Variants in MACROD2 observed in about 807,000 individuals in gnomAD.
The protein encoded by MACROD2 is ADP-ribose glycohydrolase MACROD2.
MACROD2 carries 36 observed loss-of-function variants against 70.4 expected under a neutral mutation model. The ratio of observed to expected loss-of-function variants is 0.51; its 90% CI spans 0.39 to 0.68. The LOEUF is 0.68. Among genes scored for constraint, MACROD2 ranks in the 30% least tolerant of loss-of-function variants. The pLI is 0.00. For missense variants in MACROD2, 496 were observed against 538.4 expected, an observed-to-expected ratio of 0.92 and a Z score of 0.78; for synonymous variants, 172 against 178.8, an observed-to-expected ratio of 0.96 and a Z score of 0.30.
chr20:14,359,178 ACT>A (rs1261769858), intron 3 of MACROD2, among the ~76,000 whole-genome samples: 2 of 151,682 alleles, frequency 1.3e-5, no homozygotes, highest in South Asian at 2.1e-4. Flanking sequence ...ACAGAGCAAG[ACT>A]CTGTCTCAAA....
At chr20:15,119,322 T>C (rs934838171) in intron 5 of MACROD2, among the ~76,000 whole-genome samples, 2 of 152,210 alleles carry the variant, frequency 1.3e-5, no homozygotes, top group African/African-American at 2.4e-5. Flanking sequence ...TTTGTGCTTA[T>C]ATTTTTCTTC....
At chr20:14,415,987 T>A (rs2122879359) in intron 3 of MACROD2, among the ~76,000 whole-genome samples, 1 of 150,656 alleles carries the variant, frequency 6.6e-6, no homozygotes, top group African/African-American at 2.4e-5. Flanking sequence ...TAAGACTGAG[T>A]CTCGCTCTGT....
intron 15 of MACROD2, among the ~76,000 whole-genome samples, chr20:16,018,560 C>T (rs559537237): frequency 6.6e-6 from 1 of 152,286 alleles, no homozygotes; most frequent in South Asian, 2.1e-4. Context: ...CTTCCATCTT[C>T]CCCACCAAAA....
intron 5 of MACROD2, among the ~76,000 whole-genome samples, chr20:14,690,204 G>A (rs1479740106): frequency 6.6e-6 from 1 of 152,062 alleles, no homozygotes; most frequent in East Asian, 1.9e-4. Flanking sequence ...TAGTCATCAA[G>A]GATAAATGGA....
intron 6 of MACROD2, among the ~76,000 whole-genome samples, chr20:15,317,324 T>TG (rs2077821878): frequency 6.6e-6 from 1 of 151,902 alleles, no homozygotes; most frequent in Non-Finnish European, 1.5e-5. Context: ...AACAAAAATA[T>TG]CATAAGAGAA....
chr20:15,225,242 T>A (rs1198287537), intron 5 of MACROD2, among the ~76,000 whole-genome samples: 2 of 152,186 alleles, frequency 1.3e-5, no homozygotes, highest in Admixed American at 1.3e-4. Flanking sequence ...TCTTTTTCTT[T>A]AAGAGTATTT....
At chr20:15,321,956 C>A (rs1600239742) in intron 6 of MACROD2, among the ~76,000 whole-genome samples, 2 of 143,312 alleles carry the variant, frequency 1.4e-5, no homozygotes, top group Non-Finnish European at 3.2e-5. Context: ...CCATGCCCAG[C>A]TAATTATTGT....
chr20:15,629,906 G>T (rs1225550654), intron 8 of MACROD2, among the ~76,000 whole-genome samples: 1 of 152,214 alleles, frequency 6.6e-6, no homozygotes, highest in Non-Finnish European at 1.5e-5. Context: ...AGGAATGAAT[G>T]CTTTGAAGTA....
chr20:15,699,366 G>A (rs2050422318), intron 8 of MACROD2, among the ~76,000 whole-genome samples: 1 of 152,180 alleles, frequency 6.6e-6, no homozygotes, highest in Non-Finnish European at 1.5e-5. Context: ...GCCACCCAAG[G>A]AGTCTACCTG....
chr20:15,180,236 C>T (rs1399705449), intron 5 of MACROD2, among the ~76,000 whole-genome samples: 1 of 152,146 alleles, frequency 6.6e-6, no homozygotes, highest in Non-Finnish European at 1.5e-5. Context: ...ACAATTTAAT[C>T]CATAACAGTC....
intron 8 of MACROD2, among the ~76,000 whole-genome samples, chr20:15,534,350 TA>T (rs1394906494): frequency 2.6e-5 from 4 of 151,636 alleles, no homozygotes; most frequent in African/African-American, 9.7e-5. Context: ...AAGTAAAACA[TA>T]ATTAAAATTG....
intron 6 of MACROD2, among the ~76,000 whole-genome samples, chr20:15,353,541 G>GA (rs1282889757): frequency 6.6e-6 from 1 of 151,916 alleles, no homozygotes; most frequent in East Asian, 1.9e-4. Context: ...CACAGCAAAA[G>GA]AAACTAGCAT....
intron 5 of MACROD2, among the ~76,000 whole-genome samples, chr20:14,947,294 A>C (rs2074440546): frequency 6.6e-6 from 1 of 152,196 alleles, no homozygotes; most frequent in Non-Finnish European, 1.5e-5. Context: ...GCAGAACAGC[A>C]AAGTGAAGTG....
chr20:15,925,756 C>T (rs2065479478), intron 10 of MACROD2, among the ~76,000 whole-genome samples: 1 of 152,146 alleles, frequency 6.6e-6, no homozygotes, highest in Non-Finnish European at 1.5e-5. Flanking sequence ...AAACTGAAGT[C>T]CCCGTTAACA....
intron 10 of MACROD2, among the ~76,000 whole-genome samples, chr20:15,924,457 G>A (rs1001899067): frequency 6.6e-6 from 1 of 152,084 alleles, no homozygotes; most frequent in Non-Finnish European, 1.5e-5. Context: ...CTTTCATCCA[G>A]CAAAAATACC....
At position 15,540,736 on chromosome 20, in the gene MACROD2, T is replaced by G. The variant is rs979287867; in HGVS notation, c.645+40889T>G. On this transcript the variant is annotated intron_variant, in intron 8 of 17. Coordinates refer to ENST00000684519, the MANE Select transcript of MACROD2 (RefSeq NM_001351661.2). ...CAAGGTATCGGCAGGGTTCCTTCTT[T>G]TTGAGGGCTGTGAGAATAGAGTCGG... is the stretch of plus-strand genomic sequence containing the variant. 1.7e-4 allele frequency among the ~76,000 whole-genome samples: 26 copies of G among 152,184 alleles called. 1 individual carries two copies. The highest frequency in any genetic ancestry group is 3.5e-4 in the Non-Finnish European group (24 of 68,032).
intron 4 of MACROD2, chr20:14,627,048 T>C (rs1984211791): frequency 6.6e-6 from 1 of 152,228 alleles, no homozygotes; most frequent in African/African-American, 2.4e-5. Flanking sequence ...AACTTTCCTC[T>C]TGTAAATTTC....
At chr20:15,359,415 A>G (rs2078326105) in intron 6 of MACROD2, among the ~76,000 whole-genome samples, 1 of 152,022 alleles carries the variant, frequency 6.6e-6, no homozygotes. Context: ...CCATAAAATT[A>G]TCTGTAGCTC....
intron 3 of MACROD2, among the ~76,000 whole-genome samples, chr20:14,136,233 ACAACT>A (rs1205054342): frequency 6.6e-6 from 1 of 152,194 alleles, no homozygotes; most frequent in African/African-American, 2.4e-5. Context: ...ATTAAAAAAA[ACAACT>A]CAAAATGGAT....
Sources: allele counts gnomAD v4.1 joint callset (sites outside exome capture counted in the v4.1 genomes callset), GRCh38; gene constraint gnomAD v4.1.1; transcripts MANE v1.5; gene names NCBI Gene and HGNC (gene_info 2026-07-23, HGNC 2026-07-21).